The following DLG2 variants were observed in gnomAD, a reference collection of about 807,000 sequenced individuals.
DLG2 encodes the protein discs large MAGUK scaffold protein 2.
DLG2 carries 45 observed loss-of-function variants against 132.5 expected under a neutral mutation model. The ratio of observed to expected loss-of-function variants is 0.34; its 90% CI spans 0.27 to 0.44. The LOEUF (loss-of-function observed/expected upper bound fraction) is 0.44. DLG2 is among the 20% of genes least tolerant of loss of function. DLG2 has a pLI of 1.00. For synonymous variants in DLG2, 424 were observed against 419.6 expected (o/e 1.01, Z -0.13); for missense variants, 1,045 against 1,196.9 (o/e 0.87, Z 1.87).
chr11:84,885,533 A>G (rs2088123857), intron 6 of DLG2, among the ~76,000 whole-genome samples: 1 of 152,030 alleles, frequency 6.6e-6, no homozygotes, highest in Non-Finnish European at 1.5e-5. Flanking sequence ...TATAGTATGG[A>G]AATCAGAGTT....
chr11:83,684,155 T>C (rs1031842633), intron 18 of DLG2, among the ~76,000 whole-genome samples: 4 of 152,024 alleles, frequency 2.6e-5, no homozygotes, highest in Non-Finnish European at 5.9e-5. Context: ...GGTATCTCTG[T>C]CTTGAACGTT....
intron 6 of DLG2, among the ~76,000 whole-genome samples, chr11:84,876,554 CTA>C (rs1398834389): frequency 6.6e-6 from 1 of 151,934 alleles, no homozygotes; most frequent in Non-Finnish European, 1.5e-5. Flanking sequence ...TTTAATGTGT[CTA>C]TTTGATTATT....
chr11:84,347,091 G>A (rs549829916), intron 7 of DLG2, among the ~76,000 whole-genome samples: 2 of 152,224 alleles, frequency 1.3e-5, no homozygotes, highest in East Asian at 3.9e-4. Context: ...CAGTGTGGGG[G>A]TCAATCACTT....
intron 3 of DLG2, among the ~76,000 whole-genome samples, chr11:85,356,223 T>C (rs1295233061): frequency 6.6e-6 from 1 of 152,206 alleles, no homozygotes; most frequent in Non-Finnish European, 1.5e-5. Context: ...CTATAGCTCA[T>C]AGTAATTCCA....
chr11:83,507,005 A>G (rs2094737509), intron 21 of DLG2, among the ~76,000 whole-genome samples: 2 of 152,146 alleles, frequency 1.3e-5, no homozygotes, highest in South Asian at 2.1e-4. Flanking sequence ...TGGGAGTTAG[A>G]ATCCCTGGGT....
intron 6 of DLG2, among the ~76,000 whole-genome samples, chr11:84,691,560 G>T (rs1481781139): frequency 6.6e-6 from 1 of 151,170 alleles, no homozygotes; most frequent in Non-Finnish European, 1.5e-5. Context: ...TAGGCCTTTG[G>T]GTATCAGTAT....
chr11:85,134,300 C>T (rs1406878395), intron 5 of DLG2, among the ~76,000 whole-genome samples: 22 of 149,266 alleles, frequency 1.5e-4, no homozygotes, highest in Admixed American at 2.7e-4. Flanking sequence ...GAGGCCGAGG[C>T]GGGCGGATCA....
intron 13 of DLG2, 106 bp from the exon 14 acceptor site, chr11:83,963,129 T>C: frequency 7.7e-7 from 1 of 1,291,272 alleles, no homozygotes; most frequent in Admixed American, 2.0e-5. Context: ...CTTTGCTGCA[T>C]GCCAAGGTTT....
chr11:84,897,893 T>A (rs531832277), intron 6 of DLG2, among the ~76,000 whole-genome samples: 83 of 151,912 alleles, frequency 5.5e-4, no homozygotes, highest in African/African-American at 2.0e-3. Flanking sequence ...AACACATAGT[T>A]TCTACCCACA....
chr11:84,740,863 C>T (rs2064523847), intron 6 of DLG2, among the ~76,000 whole-genome samples: 1 of 152,020 alleles, frequency 6.6e-6, no homozygotes. Flanking sequence ...GACACATCCC[C>T]AGGTCAACAA....
intron 6 of DLG2, among the ~76,000 whole-genome samples, chr11:84,636,012 G>A (rs2099639953): frequency 6.6e-6 from 1 of 152,216 alleles, no homozygotes; most frequent in Non-Finnish European, 1.5e-5. Context: ...GTTTACCATG[G>A]TTTGAGAAAA....
At chr11:83,899,785 C>T (rs534771729) in intron 15 of DLG2, among the ~76,000 whole-genome samples, 30 of 151,434 alleles carry the variant, frequency 2.0e-4, no homozygotes, top group Admixed American at 3.3e-4. Context: ...ACTAATACAG[C>T]AAATTGGTAA....
chr11:85,558,020 A>C (rs2077030595), intron 3 of DLG2, among the ~76,000 whole-genome samples: 2 of 151,938 alleles, frequency 1.3e-5, no homozygotes, highest in African/African-American at 4.8e-5. Context: ...GTAAACAGAC[A>C]ACCTACAGAA....
chr11:84,916,608 G>A (rs1009583889), intron 6 of DLG2, among the ~76,000 whole-genome samples: 4 of 152,080 alleles, frequency 2.6e-5, no homozygotes, highest in Non-Finnish European at 5.9e-5. Flanking sequence ...CTGGATTACT[G>A]CAGGAACTTC....
At chr11:84,635,021 TGAC>T in intron 6 of DLG2, among the ~76,000 whole-genome samples, 1 of 152,280 alleles carries the variant, frequency 6.6e-6, no homozygotes, top group Non-Finnish European at 1.5e-5. Context: ...GAGGAGAGGA[TGAC>T]AACAGGGGCC....
chr11:84,937,384 C>CAAAAAA (rs35813381), intron 6 of DLG2, among the ~76,000 whole-genome samples: 3 of 132,448 alleles, frequency 2.3e-5, no homozygotes, highest in Non-Finnish European at 1.7e-5. Context: ...CATACCAGAC[C>CAAAAAA]AAAAAAAAAA....
intron 11 of DLG2, among the ~76,000 whole-genome samples, chr11:83,982,287 CTACAAGAAGGCATTATTA>C (rs1336652742): frequency 6.6e-6 from 1 of 151,570 alleles, no homozygotes; most frequent in African/African-American, 2.4e-5. Context: ...AGGAGGTATC[CTACAAGAAGGCATTATTA>C]TTACAGGAGA....
rs1595826188 is a variant in DLG2, at chr11:85,267,494, A to AC, written c.186+17725dup. On this transcript the variant is annotated intron_variant, in intron 4 of 27. Coordinates refer to ENST00000376104, the MANE Select transcript of DLG2 (RefSeq NM_001142699.3). ...GAGATCTGATCTCACTTATTTCTAT[A>AC]CCCCCCACAAAAAACAAAAGAGATC... Among the ~76,000 whole-genome samples the AC allele has an allele frequency of 2.0e-5, 3 of 151,944 alleles. No individual in the cohort carries two copies. In the East Asian group the frequency reaches 5.8e-4, roughly 29 times the overall value.
rs149168143 is a variant in DLG2, at chr11:85,392,013, T to G, written c.41-106648A>C. 2.5e-3 allele frequency among the ~76,000 whole-genome samples: 386 copies of G among 152,234 alleles called. 4 individuals carry two copies. The highest frequency in any genetic ancestry group is 8.9e-3 in the African/African-American group (371 of 41,566). On this transcript the variant is annotated intron_variant, in intron 3 of 27. Transcript: ENST00000376104. ...AAGTCAAACTCTCTGTGTTTACTGA[T>G]GATGTGATTACATACCTAGAAAACC...
Sources: allele counts gnomAD v4.1 joint callset (sites outside exome capture counted in the v4.1 genomes callset), GRCh38; gene constraint gnomAD v4.1.1; transcripts MANE v1.5; gene names NCBI Gene and HGNC (gene_info 2026-07-23, HGNC 2026-07-21).